Variants in CSMD1 observed in about 807,000 individuals in gnomAD.
CSMD1 encodes CUB and Sushi multiple domains 1.
In CSMD1, 213 loss-of-function variants were observed where a neutral mutation model predicts 417.5. That is an observed-to-expected ratio of 0.51 (90% CI 0.46 to 0.57). The LOEUF is 0.57. CSMD1 is among the 20% of genes least tolerant of loss of function. CSMD1 has a pLI of 0.00. For synonymous variants in CSMD1, 2,862 were observed against 1,736.8 expected (o/e 1.65, Z -16.11); for missense variants, 6,923 against 4,529.7 (o/e 1.53, Z -15.17).
intron 1 of CSMD1, among the ~76,000 whole-genome samples, chr8:4,927,118 A>C (rs2117172765): frequency 6.7e-6 from 1 of 149,708 alleles, no homozygotes; most frequent in South Asian, 2.1e-4. Context: ...TATTATTATT[A>C]TTATTAAGAT....
In CSMD1 at chr8:4,785,434, G is replaced by C. The variant is rs563877014; in HGVS notation, c.86-147876C>G. The stretch of plus-strand genomic sequence containing the variant: ...ACCAAAATGCCCCCACAGTGGGTTA[G>C]ATCACCATTAGCTCATGCAGCCCTT... On this transcript the variant is annotated intron_variant, in intron 1 of 69. Transcript: ENST00000635120. Among the ~76,000 whole-genome samples the C allele has an allele frequency of 4.1e-4, 62 of 152,260 alleles. 1 individual carries two copies. Among genetic ancestry groups the C allele is most frequent in the African/African-American group, 1.5e-3 (61 of 41,570 alleles).
intron 2 of CSMD1, among the ~76,000 whole-genome samples, chr8:4,593,435 C>T (rs1266164310): frequency 6.6e-6 from 1 of 152,190 alleles, no homozygotes; most frequent in East Asian, 1.9e-4. Flanking sequence ...AACTGAAATA[C>T]CCTTAAGCAC....
At chr8:4,583,056 G>A (rs773833649) in intron 2 of CSMD1, among the ~76,000 whole-genome samples, 14 of 152,312 alleles carry the variant, frequency 9.2e-5, no homozygotes, top group Admixed American at 4.6e-4. Context: ...GGCGTTAGCT[G>A]CCTTCCCGCG....
intron 5 of CSMD1, among the ~76,000 whole-genome samples, chr8:3,828,067 T>C (rs1047618903): frequency 2.0e-5 from 3 of 152,198 alleles, no homozygotes; most frequent in Non-Finnish European, 4.4e-5. Flanking sequence ...AGCAAAAAGT[T>C]ATGCCACACA....
intron 5 of CSMD1, among the ~76,000 whole-genome samples, chr8:3,958,672 C>G (rs1257879446): frequency 6.6e-6 from 1 of 151,982 alleles, no homozygotes; most frequent in Non-Finnish European, 1.5e-5. Context: ...AACAAAATGT[C>G]AAAGAGGGAA....
intron 1 of CSMD1, among the ~76,000 whole-genome samples, chr8:4,924,356 T>C (rs1023924513): frequency 6.6e-6 from 1 of 151,564 alleles, no homozygotes; most frequent in Non-Finnish European, 1.5e-5. Flanking sequence ...TTGAACGTTT[T>C]CTGTTCTATT....
chr8:3,182,689 GTGTGTA>G (rs1202850712), intron 36 of CSMD1, among the ~76,000 whole-genome samples: 3 of 126,756 alleles, frequency 2.4e-5, no homozygotes, highest in African/African-American at 8.5e-5. Flanking sequence ...GTGTGTGTGT[GTGTGTA>G]TGTGTGTGTA....
intron 4 of CSMD1, among the ~76,000 whole-genome samples, chr8:4,001,855 T>A (rs1815699678): frequency 6.6e-6 from 1 of 150,782 alleles, no homozygotes; most frequent in African/African-American, 2.4e-5. Context: ...AATAGAAAAG[T>A]CAAATAAAAT....
chr8:4,784,715 T>G (rs944254738), intron 1 of CSMD1, among the ~76,000 whole-genome samples: 2 of 152,220 alleles, frequency 1.3e-5, no homozygotes, highest in Admixed American at 6.5e-5. Context: ...GATAATGTAT[T>G]GGAATGTTAA....
rs1179481593 is a variant in CSMD1 at position 4,050,495 on chromosome 8, G to A, written c.416-18396C>T. Among the ~76,000 whole-genome samples, 4 of 152,024 alleles carry A rather than the reference G, an allele frequency of 2.6e-5. No individual in the cohort carries two copies. The East Asian group carries it at 7.7e-4, about 29-fold the overall frequency. ...TACGATGAATTTTAATTGCATCAGG[G>A]TAAATGGGGGTATGTATCATCCTGG... On this transcript the variant is annotated intron_variant, in intron 3 of 69. Coordinates refer to ENST00000635120, the MANE Select transcript of CSMD1 (RefSeq NM_033225.6).
intron 3 of CSMD1, among the ~76,000 whole-genome samples, chr8:4,262,864 A>G (rs576383135): frequency 2.4e-4 from 37 of 152,330 alleles, no homozygotes; most frequent in East Asian, 7.7e-4. Context: ...TTAAGCCAAT[A>G]AAAACAGCAT....
At chr8:4,449,800 C>T (rs186279500) in intron 2 of CSMD1, among the ~76,000 whole-genome samples, 312 of 152,190 alleles carry the variant, frequency 2.1e-3, no homozygotes, top group African/African-American at 7.3e-3. Context: ...TTTTACATAA[C>T]AGAGCCCTGC....
chr8:4,199,570 G>C (rs948100007), intron 3 of CSMD1, among the ~76,000 whole-genome samples: 2 of 152,122 alleles, frequency 1.3e-5, no homozygotes, highest in Non-Finnish European at 2.9e-5. Context: ...GGAGCTACCG[G>C]ACAACAGACA....
chr8:4,658,352 G>A (rs1291281423), intron 1 of CSMD1, among the ~76,000 whole-genome samples: 3 of 152,062 alleles, frequency 2.0e-5, no homozygotes, highest in Non-Finnish European at 2.9e-5. Context: ...AAGATGGCAA[G>A]ACAGAAGTAA....
intron 5 of CSMD1, among the ~76,000 whole-genome samples, chr8:3,830,816 T>G (rs1192648832): frequency 6.6e-6 from 1 of 152,166 alleles, no homozygotes; most frequent in Non-Finnish European, 1.5e-5. Context: ...ATAAAATAAT[T>G]AGGAGTTATT....
chr8:3,582,583 T>C (rs1269866923), intron 9 of CSMD1, among the ~76,000 whole-genome samples: 2 of 152,182 alleles, frequency 1.3e-5, no homozygotes, highest in Non-Finnish European at 2.9e-5. Flanking sequence ...TGCGCTGTCA[T>C]ATGTGGCAAC....
intron 5 of CSMD1, among the ~76,000 whole-genome samples, chr8:3,871,517 T>G (rs1284643279): frequency 6.6e-6 from 1 of 152,218 alleles, no homozygotes; most frequent in African/African-American, 2.4e-5. Flanking sequence ...ATCTCCATAA[T>G]GAATAATGCT....
intron 1 of CSMD1, among the ~76,000 whole-genome samples, chr8:4,772,444 G>A (rs1320840657): frequency 6.6e-6 from 1 of 152,124 alleles, no homozygotes; most frequent in Non-Finnish European, 1.5e-5. Flanking sequence ...AAGGCCTATA[G>A]CTTTAATTAT....
chr8:4,237,258 G>A (rs925285072), intron 3 of CSMD1, among the ~76,000 whole-genome samples: 1 of 152,152 alleles, frequency 6.6e-6, no homozygotes, highest in Non-Finnish European at 1.5e-5. Context: ...TGGTCCTGAA[G>A]AGATTCAGAG....
Sources: gnomAD v4.1 joint callset for allele counts (sites outside exome capture counted in the v4.1 genomes callset) on GRCh38, gnomAD v4.1.1 for gene constraint, MANE v1.5 for transcripts, NCBI Gene and HGNC (gene_info 2026-07-23, HGNC 2026-07-21) for gene names.